The following PKD1 variants were observed in gnomAD, a reference collection of about 807,000 sequenced individuals.
PKD1 encodes polycystin-1.
A neutral mutation model predicts 361.7 loss-of-function variants in PKD1; 81 were observed. That is an observed-to-expected ratio of 0.22 (90% CI 0.19 to 0.27). The LOEUF (loss-of-function observed/expected upper bound fraction) is 0.27. Among genes scored for constraint, PKD1 ranks in the 10% least tolerant of loss-of-function variants. The probability of loss-of-function intolerance (pLI) is 1.00; values close to 1 mark genes in which losing one functional copy is unlikely to be tolerated. For synonymous variants in PKD1, 3,615 were observed against 2,818.3 expected (o/e 1.28, Z -8.95); for missense variants, 6,399 against 6,118.3 (o/e 1.05, Z -1.53).
intron 1 of PKD1, among the ~76,000 whole-genome samples, chr16:2,125,831 C>T (rs2092791794): frequency 6.6e-6 from 1 of 152,174 alleles, no homozygotes. Flanking sequence ...CCTCTCCACT[C>T]CCACCCTTCA....
chr16:2,101,813 C>T (rs1043284784), intron 26 of PKD1: 27 of 600,486 alleles, frequency 4.5e-5, no homozygotes, highest in East Asian at 2.2e-4. Flanking sequence ...TGTGGGGCCA[C>T]GCTACTGTGC....
chr16:2,127,197 G>C (rs1255169305), intron 1 of PKD1, among the ~76,000 whole-genome samples: 1 of 152,256 alleles, frequency 6.6e-6, no homozygotes, highest in African/African-American at 2.4e-5. Context: ...CCGCACATCA[G>C]GGCGGGCACT....
Position 2,091,196 on chromosome 16 carries a change from G to A in PKD1, c.11713-22C>T, listed in dbSNP as rs775249816. 56 of 1,357,318 alleles carry A rather than the reference G, an allele frequency of 4.1e-5. No individual in the cohort carries two copies. In the African/African-American group the frequency reaches 6.5e-4, roughly 16 times the overall value. The allele number at this position is 1,357,318 out of a possible 1,614,324, so 84.1% of individuals were successfully genotyped here. On this transcript the variant is annotated intron_variant, in intron 42 of 45. Transcript: ENST00000262304. ...ACACCTGTGGGGGGCGCGGTCAGGA[G>A]GGCGGGAGGGACGCTGCCGGGGCGG... is the stretch of plus-strand genomic sequence containing the variant.
Position 2,097,218 on chromosome 16 carries a change from G to C in PKD1, c.10429C>G (p.Leu3477Val), listed in dbSNP as rs62621452. The change falls in exon 34 of 46, where the codon CTT (leucine) becomes GTT (valine). Residue 3477 changes from leucine to valine, a missense_variant. Leu to Val is a conservative substitution (Grantham distance 32). Transcript: ENST00000262304. ...ASDEDLIQQV[L>V]AEGVSSPAPT... is the part of the protein sequence containing the mutation. Reference sequence around the variant, plus strand: ...GCTGGGCTGCTGACCCCCTCGGCAAGGACCTGCTGGATCAGGTCTTCATCT... The same window carrying C: ...GCTGGGCTGCTGACCCCCTCGGCAACGACCTGCTGGATCAGGTCTTCATCT... The C allele has an allele frequency of 2.5e-6, 4 of 1,576,414 alleles. No individual in the cohort carries two copies. The highest frequency in any genetic ancestry group is 3.4e-6 in the Non-Finnish European group (4 of 1,161,018).
intron 34 of PKD1, among the ~76,000 whole-genome samples, chr16:2,096,360 G>A (rs1049016251): frequency 2.0e-5 from 3 of 152,262 alleles, no homozygotes; most frequent in African/African-American, 2.4e-5. Context: ...CCTGAGCATA[G>A]GAGGGCATGG....
In PKD1 at chr16:2,090,545, G is replaced by A. The variant is rs1041735800; in HGVS notation, c.12184C>T (p.Leu4062=). The A allele has an allele frequency of 3.7e-6, 6 of 1,610,070 alleles. No homozygotes were observed. The highest frequency in any genetic ancestry group is 5.1e-6 in the Non-Finnish European group (6 of 1,179,506). Residue 4062 remains leucine, a synonymous_variant, in exon 45 of 46, where the codon CTG becomes TTG. Transcript: ENST00000262304. ...CCAGTCCCAGGGCACAGCACCAACA[G>A]GGCCTGGGCCACGCTCCAGAGGGAG... ...VDSLWSVAQA[L]LVLCPGTGLS... is the part of the protein sequence containing the mutation.
chr16:2,116,495 G>A, intron 8 of PKD1, 34 bp downstream of exon 8: 1 of 1,194,704 alleles, frequency 8.4e-7, no homozygotes, highest in Non-Finnish European at 1.2e-6. Context: ...GGGCAGGCAG[G>A]AGGGCAGGTT....
chr16:2,090,969 C>A lies in PKD1; in HGVS notation c.11918G>T (p.Arg3973Leu), dbSNP rs1266632367. The A allele has an allele frequency of 1.9e-6, 3 of 1,542,922 alleles. No individual in the cohort carries two copies. The highest frequency in any genetic ancestry group is 2.6e-6 in the Non-Finnish European group (3 of 1,150,446). ...WTRFVRGRPRRFTSFDQVAQL... is the reference protein window; with the variant it reads ...WTRFVRGRPRLFTSFDQVAQL... ...CGCCACCTGGTCGAAGCTAGTGAAG[C>A]GGCGCGGGCGGCCGCGCACGAAACG... Residue 3973 changes from arginine (R) to leucine (L), a missense_variant, in exon 43 of 46, where the codon CGC becomes CTC. Physicochemically the swap from Arg to Leu is moderately radical, Grantham distance 102. Coordinates refer to ENST00000262304, the MANE Select transcript of PKD1 (RefSeq NM_001009944.3).
intron 1 of PKD1, among the ~76,000 whole-genome samples, chr16:2,122,716 C>T (rs1440713430): frequency 9.2e-5 from 14 of 152,306 alleles, no homozygotes; most frequent in Middle Eastern, 6.8e-3. Context: ...CCAGCGGCTG[C>T]GGCGGCAGCA....
intron 38 of PKD1, 135 bp downstream of exon 38, chr16:2,092,819 G>C (rs966614199): frequency 8.1e-6 from 9 of 1,112,086 alleles, no homozygotes; most frequent in Non-Finnish European, 1.2e-5. Flanking sequence ...TCTGCCTACT[G>C]ATGCCAGCAG....
chr16:2,097,144 T>A lies in PKD1; in HGVS notation c.10499+4A>T, dbSNP rs1461741249. 2 of 1,386,906 alleles carry A rather than the reference T, an allele frequency of 1.4e-6. No individual in the cohort carries two copies. Among genetic ancestry groups the A allele is most frequent in the South Asian group, 2.4e-5 (2 of 82,280 alleles). 85.9% of individuals were successfully genotyped at this position (1,386,906 alleles called of 1,614,324 possible). On this transcript the variant is annotated splice_donor_region_variant and intron_variant, in intron 34 of 45. Transcript: ENST00000262304. ...CCCCCCTCCCCCGAGAGCCGGACACTCACAGGCTGCTGAGCAGGTCCGTTT... is the reference window on the plus strand; with the variant it reads ...CCCCCCTCCCCCGAGAGCCGGACACACACAGGCTGCTGAGCAGGTCCGTTT...
At position 2,118,191 on chromosome 16, in the gene PKD1, G is replaced by C. The variant is rs1039303301; in HGVS notation, c.801C>G (p.His267Gln). 6.5e-7 allele frequency: 1 copy of C among 1,549,326 alleles called. No individual in the cohort carries two copies. Among genetic ancestry groups the C allele is most frequent in the Non-Finnish European group, 8.7e-7 (1 of 1,150,150 alleles). ...PTCRGPTLLQ[H>Q]VFPASPGATL... ...TGGCCCCTGGGGAGGCAGGGAAGACGTGCTGGAGGAGGGTGGGGCCCCTAC... is the reference window on the plus strand; with the variant it reads ...TGGCCCCTGGGGAGGCAGGGAAGACCTGCTGGAGGAGGGTGGGGCCCCTAC... Residue 267 changes from histidine (H) to glutamine (Q), a missense_variant, in exon 5 of 46, where the codon CAC becomes CAG. Physicochemically the swap from His to Gln is conservative, Grantham distance 24 (BLOSUM62 0). Transcript: ENST00000262304. This position sits in a 1 kb window ranked among gnomAD's most constrained non-coding sequence, Gnocchi z 6.0.
In PKD1 at chr16:2,112,351, T is replaced by C; in HGVS notation, c.3284A>G (p.Tyr1095Cys). The C allele has an allele frequency of 1.3e-6, 2 of 1,587,688 alleles. No individual in the cohort carries two copies. Among genetic ancestry groups the C allele is most frequent in the Non-Finnish European group, 8.5e-7 (1 of 1,174,618 alleles). ...VLVEHNVMHT[Y>C]AAPGEYLLTV... ...CCCTCATCCCTCACCTGGGGCAGCG[T>C]AGGTGTGCATGACATTGTGCTCCAC... The change falls in exon 14 of 46, where the codon TAC becomes TGC. Residue 1095 changes from tyrosine to cysteine, a missense_variant. By Grantham distance (194) the Tyr-to-Cys change is radical. Coordinates refer to ENST00000262304, the MANE Select transcript of PKD1 (RefSeq NM_001009944.3).
In PKD1 at chr16:2,106,904, A is replaced by G. The variant is rs774550602; in HGVS notation, c.7110T>C (p.Cys2370=). The change falls in exon 17 of 46, where the codon TGT becomes TGC. Residue 2370 remains cysteine (C), a synonymous_variant. Transcript: ENST00000262304. This position sits in a 1 kb window ranked among gnomAD's most constrained non-coding sequence, Gnocchi z 6.5. ...SGRVPIVSLE[C]VSCKAQAVYE... is the part of the protein sequence containing the mutation. The stretch of plus-strand genomic sequence containing the variant: ...ACACGGCCTGTGCCTTGCAGGACAC[A>G]CACTCCAAGGACACAATGGGCACCC... 1.6e-5 allele frequency: 25 copies of G among 1,566,224 alleles called. No individual in the cohort carries two copies. Among genetic ancestry groups the G allele is most frequent in the Non-Finnish European group, 2.2e-5 (25 of 1,155,160 alleles).
chr16:2,121,212 A>C (rs1254063988), intron 1 of PKD1, among the ~76,000 whole-genome samples: 2 of 151,470 alleles, frequency 1.3e-5, no homozygotes, highest in Non-Finnish European at 2.9e-5. Flanking sequence ...CCAAAACTAC[A>C]GAATTAGTCG....
rs575326053 is a variant in PKD1, at chr16:2,108,805, C to T, written c.6362G>A (p.Arg2121His). Reference sequence around the variant, plus strand: ...CAGGTTGGAGGCGTTCACCTGCACGCGGTAGTCCCCAGGCCTCAGGTAGGA... The same window carrying T: ...CAGGTTGGAGGCGTTCACCTGCACGTGGTAGTCCCCAGGCCTCAGGTAGGA... ...EHSYLRPGDY[R>H]VQVNASNLVS... The change falls in exon 15 of 46, where the codon CGC (arginine) becomes CAC (histidine). Residue 2121 changes from arginine to histidine, a missense_variant. Physicochemically the swap from Arg to His is conservative, Grantham distance 29 (BLOSUM62 0). Transcript: ENST00000262304. 95 of 1,568,328 alleles carry T rather than the reference C, an allele frequency of 6.1e-5. No individual in the cohort carries two copies. The highest frequency in any genetic ancestry group is 4.9e-4 in the South Asian group (42 of 85,906).
At position 2,128,448 on chromosome 16, in the gene PKD1, G is replaced by A. The variant is rs1314819147; in HGVS notation, c.215+7027C>T. Among the ~76,000 whole-genome samples the A allele has an allele frequency of 2.0e-5, 3 of 151,836 alleles. 1 individual carries two copies. Among genetic ancestry groups the A allele is most frequent in the African/African-American group, 7.3e-5 (3 of 41,270 alleles). Reference sequence around the variant, plus strand: ...CGCAGCCCGACTCGGAAGCGCCACTGCCACCTCTGTCTGTCTATAAACCAG... The same window carrying A: ...CGCAGCCCGACTCGGAAGCGCCACTACCACCTCTGTCTGTCTATAAACCAG... On this transcript the variant is annotated intron_variant, in intron 1 of 45. Transcript: ENST00000262304.
intron 37 of PKD1, 156 bp downstream of exon 37, chr16:2,093,387 TG>T: frequency 1.3e-6 from 1 of 759,518 alleles, no homozygotes; most frequent in Non-Finnish European, 2.1e-6. Flanking sequence ...GTGGGGGGCG[TG>T]GGGTAGGAGG....
At chr16:2,095,640 C>T (rs763327701) in intron 34 of PKD1, among the ~76,000 whole-genome samples, 5 of 152,316 alleles carry the variant, frequency 3.3e-5, no homozygotes, top group Non-Finnish European at 5.9e-5. Flanking sequence ...AGCCACGGGA[C>T]GCGCTGGAGG....
Sources: allele counts gnomAD v4.1 joint callset (sites outside exome capture counted in the v4.1 genomes callset), GRCh38; gene constraint gnomAD v4.1.1; non-coding constraint Gnocchi (gnomAD v3.1); transcripts MANE v1.5; gene names NCBI Gene and HGNC (gene_info 2026-07-23, HGNC 2026-07-21).